The following TPRG1 variants were observed in gnomAD, a reference collection of about 807,000 sequenced individuals.
TPRG1 encodes tumor protein p63-regulated gene 1 protein.
A neutral mutation model predicts 29.3 loss-of-function variants in TPRG1; 29 were observed. That is an observed-to-expected ratio of 0.99 (90% CI 0.74 to 1.35). The LOEUF is 1.35. Ranked by LOEUF, TPRG1 falls within the 40% of genes most tolerant of loss-of-function variation. The probability of loss-of-function intolerance (pLI) is 0.00; values close to 1 mark genes in which losing one functional copy is unlikely to be tolerated. For synonymous variants in TPRG1, 130 were observed against 116.8 expected (o/e 1.11, Z -0.73); for missense variants, 327 against 335.0 (o/e 0.98, Z 0.19).
At chr3:189,223,226 A>C (rs1478024990) in intron 3 of TPRG1, among the ~76,000 whole-genome samples, 1 of 152,172 alleles carries the variant, frequency 6.6e-6, no homozygotes, top group Non-Finnish European at 1.5e-5. Flanking sequence ...CCCTTGGCTG[A>C]TACTAGCAGG....
intron 3 of TPRG1, among the ~76,000 whole-genome samples, chr3:189,018,913 G>A (rs1578198114): frequency 6.6e-6 from 1 of 151,406 alleles, no homozygotes; most frequent in African/African-American, 2.4e-5. Context: ...TCCTTGAGCA[G>A]TGGATTGTAG....
rs1399505420 is a variant in TPRG1 at position 189,177,165 on chromosome 3, G to A, written c.-10+5034G>A. Among the ~76,000 whole-genome samples, 3 of 152,114 alleles carry A rather than the reference G, an allele frequency of 2.0e-5. 1 individual carries two copies. The highest frequency in any genetic ancestry group is 4.2e-4 in the South Asian group (2 of 4,816). On this transcript the variant is annotated intron_variant, in intron 1 of 5. Transcript: ENST00000345063. ...TGGCTGATATATAGAATGAGGGATAGTGAGACAGATAAGTCAAGTATAACA... is the reference window on the plus strand; with the variant it reads ...TGGCTGATATATAGAATGAGGGATAATGAGACAGATAAGTCAAGTATAACA...
chr3:189,173,874 T>C (rs1729147336), intron 1 of TPRG1, among the ~76,000 whole-genome samples: 1 of 152,208 alleles, frequency 6.6e-6, no homozygotes, highest in African/African-American at 2.4e-5. Context: ...TAGCATCTAC[T>C]GGAGATGGTA....
chr3:189,281,714 G>GATTCACAA (rs1717161942), intron 4 of TPRG1, among the ~76,000 whole-genome samples: 1 of 151,956 alleles, frequency 6.6e-6, no homozygotes, highest in African/African-American at 2.4e-5. Context: ...CACAAAGATT[G>GATTCACAA]AGCACTAGTT....
In TPRG1 at chr3:189,055,776, G is replaced by A. The variant is rs147268401; in HGVS notation, c.-463+31830G>A. On this transcript the variant is annotated intron_variant, in intron 4 of 10. Transcript: ENST00000433971. ...TTGGTAATGAGGTCCAAGGGAATAT[G>A]TGTGGAGTCCTGATACTGACCCATA... 3.3e-4 allele frequency among the ~76,000 whole-genome samples: 51 copies of A among 152,264 alleles called. 1 individual carries two copies. The South Asian group carries it at 7.9e-3, about 23-fold the overall frequency.
upstream of TPRG1, among the ~76,000 whole-genome samples, chr3:189,168,621 G>A (rs1194182792): frequency 2.6e-5 from 4 of 152,104 alleles, no homozygotes; most frequent in South Asian, 2.1e-4. Context: ...ATAAGAGGGC[G>A]GTACTAGTGA....
intron 3 of TPRG1, among the ~76,000 whole-genome samples, chr3:189,011,119 C>A (rs185253802): frequency 1.3e-5 from 2 of 152,210 alleles, no homozygotes; most frequent in Admixed American, 1.3e-4. Context: ...TTAGATTGAT[C>A]TATATGTCTG....
In TPRG1 at chr3:189,290,965, C is replaced by T. The variant is rs536981337; in HGVS notation, c.480-19421C>T. Among the ~76,000 whole-genome samples the T allele has an allele frequency of 1.5e-4, 23 of 152,010 alleles. No individual in the cohort carries two copies. In the South Asian group the frequency reaches 4.6e-3, roughly 30 times the overall value. On this transcript the variant is annotated intron_variant, in intron 4 of 5. Transcript: ENST00000345063. ...TCACCCAGGCTGGAGTGCAGTGGCC[C>T]GATCTCCACTCACTGCAAGCTCCGC...
At chr3:189,030,559 A>T (rs1713877175) in intron 4 of TPRG1, among the ~76,000 whole-genome samples, 1 of 152,236 alleles carries the variant, frequency 6.6e-6, no homozygotes, top group South Asian at 2.1e-4. Flanking sequence ...CAGGGGAAGA[A>T]GTGAACAGAG....
rs939706770 is a variant in TPRG1 at position 189,290,420 on chromosome 3, A to G, written c.480-19966A>G. On this transcript the variant is annotated intron_variant, in intron 4 of 5. Coordinates refer to ENST00000345063, the MANE Select transcript of TPRG1 (RefSeq NM_198485.4). ...CCACATTTCAGCGATGAATCGATAG[A>G]GTGTGATAAAGTAAAGAGAAATATG... Among the ~76,000 whole-genome samples the G allele has an allele frequency of 2.0e-5, 3 of 152,248 alleles. No individual in the cohort carries two copies. The East Asian group carries it at 5.8e-4, about 29-fold the overall frequency.
intron 5 of TPRG1, among the ~76,000 whole-genome samples, chr3:189,163,441 G>A (rs4686503): frequency 0.14 from 20,963 of 152,090 alleles, 2,327 homozygotes; most frequent in African/African-American, 0.3. Context: ...ATACAGAACC[G>A]TGATCAACTC....
intron 4 of TPRG1, among the ~76,000 whole-genome samples, chr3:189,263,839 C>T (rs778454876): frequency 1.3e-5 from 2 of 152,028 alleles, no homozygotes; most frequent in East Asian, 1.9e-4. Flanking sequence ...AACTAAGAGA[C>T]GTGTGAAGGT....
At chr3:189,032,022 C>T (rs1168196135) in intron 4 of TPRG1, among the ~76,000 whole-genome samples, 2 of 152,090 alleles carry the variant, frequency 1.3e-5, no homozygotes, top group East Asian at 1.9e-4. Context: ...AATAAAGCCC[C>T]CTTACTCCAA....
intron 3 of TPRG1, among the ~76,000 whole-genome samples, chr3:189,022,743 T>C (rs1417429246): frequency 6.6e-6 from 1 of 152,266 alleles, no homozygotes; most frequent in Non-Finnish European, 1.5e-5. Context: ...CCTTGAGCTG[T>C]GGCAGGCTCC....
chr3:189,250,098 C>T (rs556027124), intron 4 of TPRG1, among the ~76,000 whole-genome samples: 7 of 152,122 alleles, frequency 4.6e-5, no homozygotes, highest in Middle Eastern at 3.4e-3. Context: ...CAATTGTTAC[C>T]ACTGGGGACT....
chr3:189,243,222 T>A (rs1413049290), intron 4 of TPRG1, among the ~76,000 whole-genome samples: 1 of 152,106 alleles, frequency 6.6e-6, no homozygotes, highest in East Asian at 1.9e-4. Context: ...TCTTGCATAG[T>A]GGGAGCAGGA....
At chr3:189,271,292 A>G (rs958119437) in intron 4 of TPRG1, among the ~76,000 whole-genome samples, 1 of 152,220 alleles carries the variant, frequency 6.6e-6, no homozygotes, top group Non-Finnish European at 1.5e-5. Flanking sequence ...ACCTGAGTGC[A>G]GAGTTGAGAT....
intron 3 of TPRG1, among the ~76,000 whole-genome samples, chr3:189,139,667 AT>A (rs35742411): frequency 0.025 from 3,316 of 133,698 alleles, 30 homozygotes; most frequent in Non-Finnish European, 0.031. Context: ...CAGCTGAAGG[AT>A]TTTTTTTTTT....
chr3:189,020,040 C>T (rs1713206430), intron 3 of TPRG1, among the ~76,000 whole-genome samples: 1 of 151,960 alleles, frequency 6.6e-6, no homozygotes, highest in South Asian at 2.1e-4. Flanking sequence ...GTAGTATTCT[C>T]TGATGGTAGT....
Sources: allele counts gnomAD v4.1 joint callset (sites outside exome capture counted in the v4.1 genomes callset), GRCh38; gene constraint gnomAD v4.1.1; transcripts MANE v1.5; gene names NCBI Gene and HGNC (gene_info 2026-07-23, HGNC 2026-07-21).